Variants in FBLN2 observed in about 807,000 individuals in gnomAD.
FBLN2 encodes fibulin-2.
In FBLN2, 81 loss-of-function variants were observed where a neutral mutation model predicts 123.7. The ratio of observed to expected loss-of-function variants is 0.65; its 90% CI spans 0.55 to 0.79. The LOEUF (loss-of-function observed/expected upper bound fraction) is 0.79. Among genes scored for constraint, FBLN2 ranks in the 30% least tolerant of loss-of-function variants. FBLN2 has a pLI of 0.00. For synonymous variants in FBLN2, 699 were observed against 701.4 expected, an observed-to-expected ratio of 1.00 and a Z score of 0.05; for missense variants, 1,603 against 1,681.3, an observed-to-expected ratio of 0.95 and a Z score of 0.81.
intron 2 of FBLN2, among the ~76,000 whole-genome samples, chr3:13,573,291 C>T (rs374938246): frequency 7.2e-5 from 11 of 152,190 alleles, no homozygotes; most frequent in East Asian, 1.9e-4. Flanking sequence ...CTGTTTCCCC[C>T]GCCTGGAGCA....
At chr3:13,549,387 G>C (rs909937743) in intron 1 of FBLN2, among the ~76,000 whole-genome samples, 179 bp downstream of exon 1, 14 of 151,662 alleles carry the variant, frequency 9.2e-5, no homozygotes, top group African/African-American at 3.4e-4. Flanking sequence ...CCCGGTCCCA[G>C]CGCGGGGACG....
chr3:13,633,954 A>ACACACACACACACACACACAC (rs1706354642), intron 16 of FBLN2, among the ~76,000 whole-genome samples: 1 of 112,830 alleles, frequency 8.9e-6, no homozygotes, highest in African/African-American at 3.5e-5. Context: ...ACACACTGCA[A>ACACACACACACACACACACAC]ACACACACAC....
At chr3:13,626,617 C>T in intron 10 of FBLN2, 38 bp downstream of exon 10, 1 of 1,509,074 alleles carries the variant, frequency 6.6e-7, no homozygotes, top group Non-Finnish European at 8.9e-7. Flanking sequence ...GAGGCCCCGC[C>T]CCATGGCCAG....
intron 5 of FBLN2, among the ~76,000 whole-genome samples, chr3:13,615,697 C>T (rs552678798): frequency 2.2e-4 from 34 of 152,358 alleles, no homozygotes; most frequent in African/African-American, 7.7e-4. Context: ...TTGCTGTTAC[C>T]GTTGCCGTGC....
At chr3:13,626,654 C>A in intron 10 of FBLN2, 75 bp downstream of exon 10, 2 of 1,442,626 alleles carry the variant, frequency 1.4e-6, no homozygotes, top group Non-Finnish European at 1.9e-6. Flanking sequence ...CCTGGTCCCA[C>A]CCCTGTCCTG....
intron 2 of FBLN2, among the ~76,000 whole-genome samples, chr3:13,604,041 A>C (rs1705125765): frequency 6.6e-6 from 1 of 152,214 alleles, no homozygotes; most frequent in Non-Finnish European, 1.5e-5. Context: ...TCTTCTTTTG[A>C]GAAGTGTCTG....
At chr3:13,609,686 G>GACAACGACAGCTGC in intron 4 of FBLN2, 44 bp downstream of exon 4, 6 of 522,020 alleles carry the variant, frequency 1.1e-5, no homozygotes, top group Non-Finnish European at 2.1e-5. Flanking sequence ...GGGTGGGGCG[G>GACAACGACAGCTGC]GGCGGGAGGC....
chr3:13,593,129 C>G lies in FBLN2; in HGVS notation c.1307-14933C>G, dbSNP rs191631002. Among the ~76,000 whole-genome samples, 652 of 152,228 alleles carry G rather than the reference C, an allele frequency of 4.3e-3. 2 individuals carry two copies. The highest frequency in any genetic ancestry group is 6.9e-3 in the Admixed American group (105 of 15,294). On this transcript the variant is annotated intron_variant, in intron 2 of 17. Coordinates refer to ENST00000404922, the MANE Select transcript of FBLN2 (RefSeq NM_001004019.2). Reference sequence around the variant, plus strand: ...ATTCAACAGGTGGGGAAATAGATGCCACTTCTCAATGGGAGGAACTGCAAA... The same window carrying G: ...ATTCAACAGGTGGGGAAATAGATGCGACTTCTCAATGGGAGGAACTGCAAA...
intron 15 of FBLN2, 48 bp downstream of exon 15, chr3:13,630,863 C>A: frequency 1.4e-6 from 2 of 1,425,160 alleles, no homozygotes; most frequent in South Asian, 1.2e-5. Context: ...TCACTCCTTT[C>A]CCTTGTGCCA....
chr3:13,625,909 C>T (rs1235047602), intron 9 of FBLN2, among the ~76,000 whole-genome samples: 1 of 151,750 alleles, frequency 6.6e-6, no homozygotes, highest in Non-Finnish European at 1.5e-5. Flanking sequence ...GGCCCTTGAA[C>T]CTGCACAGCT....
chr3:13,595,736 T>C (rs1341362433), intron 2 of FBLN2, among the ~76,000 whole-genome samples: 2 of 152,234 alleles, frequency 1.3e-5, no homozygotes, highest in African/African-American at 4.8e-5. Flanking sequence ...GTCAAGGGAC[T>C]GGGACTGGCT....
intron 2 of FBLN2, among the ~76,000 whole-genome samples, chr3:13,586,100 G>A (rs1559408829): frequency 6.6e-6 from 1 of 152,206 alleles, no homozygotes; most frequent in Non-Finnish European, 1.5e-5. Context: ...GGGATAAGAT[G>A]TGGAGGTGGA....
chr3:13,617,798 A>C (rs115388572), intron 5 of FBLN2, among the ~76,000 whole-genome samples: 1 of 118,312 alleles, frequency 8.5e-6, no homozygotes, highest in Admixed American at 9.4e-5. Flanking sequence ...CCATCCACCC[A>C]CCCATCCACT....
intron 16 of FBLN2, among the ~76,000 whole-genome samples, chr3:13,632,196 G>C (rs1706280606): frequency 6.6e-6 from 1 of 152,236 alleles, no homozygotes; most frequent in South Asian, 2.1e-4. Context: ...GAGGGGCCAG[G>C]ACACAGAAGG....
intron 9 of FBLN2, among the ~76,000 whole-genome samples, chr3:13,625,847 T>C (rs1187998085): frequency 1.3e-5 from 2 of 151,278 alleles, no homozygotes; most frequent in Non-Finnish European, 2.9e-5. Flanking sequence ...CCATTCCTCC[T>C]GCTCACCCTC....
chr3:13,636,304 G>C (rs1706464914), intron 16 of FBLN2, 141 bp from the exon 17 acceptor site: 1 of 973,186 alleles, frequency 1.0e-6, no homozygotes, highest in Non-Finnish European at 1.5e-6. Flanking sequence ...GGTGAGATGG[G>C]GCATGTGTGT....
At chr3:13,579,110 C>T (rs1400825469) in intron 2 of FBLN2, among the ~76,000 whole-genome samples, 3 of 152,172 alleles carry the variant, frequency 2.0e-5, no homozygotes, top group Admixed American at 2.0e-4. Context: ...ATTTTACATT[C>T]CCACCGGCAG....
intron 8 of FBLN2, among the ~76,000 whole-genome samples, chr3:13,621,282 A>G (rs1705841477): frequency 6.6e-6 from 1 of 152,220 alleles, no homozygotes; most frequent in African/African-American, 2.4e-5. Flanking sequence ...TGATTAAAAC[A>G]CTTCCAGATT....
chr3:13,618,839 TG>T (rs1440603006), intron 6 of FBLN2, 64 bp from the exon 7 acceptor site: 1 of 1,187,842 alleles, frequency 8.4e-7, no homozygotes, highest in Non-Finnish European at 1.2e-6. Context: ...TGCCTGGAAG[TG>T]CCTGAGGCCT....
Sources: allele counts gnomAD v4.1 joint callset (sites outside exome capture counted in the v4.1 genomes callset), GRCh38; gene constraint gnomAD v4.1.1; transcripts MANE v1.5; gene names NCBI Gene and HGNC (gene_info 2026-07-23, HGNC 2026-07-21).